The following NIPAL3 variants were observed in gnomAD, a reference collection of about 807,000 sequenced individuals.
The protein encoded by NIPAL3 is NIPA-like protein 3.
NIPAL3 carries 41 observed loss-of-function variants against 47.2 expected under a neutral mutation model. The ratio of observed to expected loss-of-function variants is 0.87; its 90% CI spans 0.68 to 1.13. The LOEUF (loss-of-function observed/expected upper bound fraction) is 1.13, where lower values mean the gene tolerates loss of function less well. Among genes scored for constraint, NIPAL3 ranks in the 50% most tolerant of loss-of-function variants. NIPAL3 has a pLI of 0.00. For missense variants in NIPAL3, 449 were observed against 530.1 expected (o/e 0.85, Z 1.50); for synonymous variants, 194 against 209.6 (o/e 0.93, Z 0.64).
At position 24,417,958 on chromosome 1, in the gene NIPAL3, C is replaced by A. The variant is rs1644135856; in HGVS notation, c.-257-1333C>A. ...AATGCATGAGAGAGAAAGGAATGGA[C>A]AAAATAAATAATTAAACAGGAGAGA... On this transcript the variant is annotated intron_variant, in intron 1 of 11. Transcript: ENST00000374399. 2.0e-5 allele frequency among the ~76,000 whole-genome samples: 3 copies of A among 152,078 alleles called. No individual in the cohort carries two copies. The South Asian group carries it at 6.2e-4, about 32-fold the overall frequency.
intron 2 of NIPAL3, 112 bp from the exon 3 acceptor site, chr1:24,440,060 T>G: frequency 1.7e-6 from 1 of 598,980 alleles, no homozygotes; most frequent in Non-Finnish European, 2.8e-6. Flanking sequence ...TTGTCACTGA[T>G]ATTGTTTTTC....
intron 6 of NIPAL3, among the ~76,000 whole-genome samples, chr1:24,450,544 A>G (rs1253397954): frequency 6.6e-6 from 1 of 152,182 alleles, no homozygotes; most frequent in African/African-American, 2.4e-5. Flanking sequence ...TGATAAAGCT[A>G]CTGGTACGTT....
In NIPAL3 at chr1:24,449,781, T is replaced by A. The variant is rs1338615272; in HGVS notation, c.540+155T>A. ...GTGCTTCTGGAGAGTACACAGCTCA[T>A]GGCGAAATGCTTGTTTCATTTATGT... On this transcript the variant is annotated intron_variant, in intron 6 of 11. Transcript: ENST00000374399. The surrounding 1 kb of genome is among the most constrained non-coding windows in gnomAD (Gnocchi z 4.5). 6.6e-6 allele frequency among the ~76,000 whole-genome samples: 1 copy of A among 152,226 alleles called. No homozygotes were observed. The highest frequency in any genetic ancestry group is 1.5e-5 in the Non-Finnish European group (1 of 68,044).
intron 4 of NIPAL3, among the ~76,000 whole-genome samples, chr1:24,444,726 A>G (rs1453628771): frequency 6.6e-6 from 1 of 152,156 alleles, no homozygotes; most frequent in Non-Finnish European, 1.5e-5. Flanking sequence ...GAGAGGAAAG[A>G]GCCGGGGGAA....
At position 24,451,386 on chromosome 1, in the gene NIPAL3, A is replaced by C. The variant is rs1017545743; in HGVS notation, c.540+1760A>C. The stretch of plus-strand genomic sequence containing the variant: ...ATGATATAATGTCCAGTGCTATTCC[A>C]GTGTTCATTTTAGAATCATGGAGAA... On this transcript the variant is annotated intron_variant, in intron 6 of 11. Coordinates refer to ENST00000374399, the MANE Select transcript of NIPAL3 (RefSeq NM_020448.5). The surrounding 1 kb of genome is among the most constrained non-coding windows in gnomAD (Gnocchi z 4.5). 2.0e-5 allele frequency among the ~76,000 whole-genome samples: 3 copies of C among 152,134 alleles called. No individual in the cohort carries two copies. Among genetic ancestry groups the C allele is most frequent in the Admixed American group, 6.6e-5 (1 of 15,266 alleles).
In NIPAL3 at chr1:24,451,906, G is replaced by A. The variant is rs546818285; in HGVS notation, c.541-1502G>A. On this transcript the variant is annotated intron_variant, in intron 6 of 11. Coordinates refer to ENST00000374399, the MANE Select transcript of NIPAL3 (RefSeq NM_020448.5). The surrounding 1 kb of genome is among the most constrained non-coding windows in gnomAD (Gnocchi z 4.5). ...ACTAAAAACAGCCCAGTACAAAATC[G>A]TGCATTGACTATAATGACAACTCGT... 1.3e-3 allele frequency among the ~76,000 whole-genome samples: 205 copies of A among 152,242 alleles called. 2 individuals are homozygous for A. The highest frequency in any genetic ancestry group is 1.0e-3 in the Admixed American group (16 of 15,298).
At position 24,451,803 on chromosome 1, in the gene NIPAL3, C is replaced by T. The variant is rs1035726807; in HGVS notation, c.541-1605C>T. Reference sequence around the variant, plus strand: ...TTGGGAATGTTGATGATTGACAGCACATCCACTTGATGAAGTATTCTGCAG... The same window carrying T: ...TTGGGAATGTTGATGATTGACAGCATATCCACTTGATGAAGTATTCTGCAG... On this transcript the variant is annotated intron_variant, in intron 6 of 11. Coordinates refer to ENST00000374399, the MANE Select transcript of NIPAL3 (RefSeq NM_020448.5). This position sits in a 1 kb window ranked among gnomAD's most constrained non-coding sequence, Gnocchi z 4.5. 2.0e-5 allele frequency among the ~76,000 whole-genome samples: 3 copies of T among 152,128 alleles called. No individual in the cohort carries two copies. The highest frequency in any genetic ancestry group is 7.2e-5 in the African/African-American group (3 of 41,434).
In NIPAL3 at chr1:24,472,362, T is replaced by C. The variant is rs1199138352; in HGVS notation, c.*3177T>C. 1 of 152,254 alleles carries C rather than the reference T, an allele frequency of 6.6e-6. No individual in the cohort carries two copies. The highest frequency in any genetic ancestry group is 1.5e-5 in the Non-Finnish European group (1 of 68,064). 9.4% of individuals were successfully genotyped at this position (152,254 alleles called of 1,614,324 possible). A position where few individuals can be genotyped will look rare whatever the true frequency, so the allele number is the denominator to read the frequency against. ...TGTCCAGTGGTATAAATGGACTGTC[T>C]GCTGATGGCCATACGCAGCACTGGC... On this transcript the variant is annotated 3_prime_UTR_variant, in exon 12 of 12. Coordinates refer to ENST00000374399, the MANE Select transcript of NIPAL3 (RefSeq NM_020448.5).
Position 24,419,631 on chromosome 1 carries a change from C to A in NIPAL3, c.84C>A (p.Phe28Leu), listed in dbSNP as rs780306794. The A allele has an allele frequency of 1.2e-6, 2 of 1,613,880 alleles. No individual in the cohort carries two copies. The highest frequency in any genetic ancestry group is 3.3e-5 in the Admixed American group (2 of 60,010). Residue 28 changes from phenylalanine (F) to leucine (L), a missense_variant, in exon 2 of 12, where the codon TTC (phenylalanine) becomes TTA (leucine). Coordinates refer to ENST00000374399, the MANE Select transcript of NIPAL3 (RefSeq NM_020448.5). ...CCAGCGCCGTAAGCGAGGCCTCCTT[C>A]TCCTACAAGGCAAGGGCTTTTTTGG... ...SSSSAVSEAS[F>L]SYKENLIGAL...
chr1:24,454,931 A>G lies in NIPAL3; in HGVS notation c.638-1207A>G, dbSNP rs1646124319. ...GACTTTGTTTTCAAAGTGGATGGGA[A>G]GGATCACGGCCCTGAAACATCCTCT... On this transcript the variant is annotated intron_variant, in intron 7 of 11. Coordinates refer to ENST00000374399, the MANE Select transcript of NIPAL3 (RefSeq NM_020448.5). The surrounding 1 kb of genome is among the most constrained non-coding windows in gnomAD (Gnocchi z 4.1). The G allele has an allele frequency of 6.6e-6, 1 of 152,228 alleles. No individual in the cohort carries two copies. Among genetic ancestry groups the G allele is most frequent in the Non-Finnish European group, 1.5e-5 (1 of 68,060 alleles). 9.4% of individuals were successfully genotyped at this position (152,228 alleles called of 1,614,324 possible). A position where few individuals can be genotyped will look rare whatever the true frequency, so the allele number is the denominator to read the frequency against.
chr1:24,417,361 G>C (rs1290466594), intron 1 of NIPAL3, among the ~76,000 whole-genome samples: 2 of 152,100 alleles, frequency 1.3e-5, no homozygotes, highest in African/African-American at 4.8e-5. Flanking sequence ...GCTTCCCGGG[G>C]CCTCTCAGAG....
At chr1:24,450,768 C>T (rs1208522396) in intron 6 of NIPAL3, among the ~76,000 whole-genome samples, 2 of 152,158 alleles carry the variant, frequency 1.3e-5, no homozygotes, top group Non-Finnish European at 2.9e-5. Flanking sequence ...CGTGGCCTGC[C>T]GACAAAGGTG....
intron 11 of NIPAL3, among the ~76,000 whole-genome samples, chr1:24,468,007 T>C (rs535729307): frequency 2.0e-5 from 3 of 152,158 alleles, no homozygotes; most frequent in East Asian, 3.9e-4. Flanking sequence ...GCAGGAAAAG[T>C]TGGCCTCAAA....
chr1:24,458,884 G>T lies in NIPAL3; in HGVS notation c.774-4G>T. 6.2e-7 allele frequency: 1 copy of T among 1,613,758 alleles called. No individual in the cohort carries two copies. The highest frequency in any genetic ancestry group is 8.5e-7 in the Non-Finnish European group (1 of 1,179,696). The stretch of plus-strand genomic sequence containing the variant: ...CCACTGACTGGAGTGCTTTTGTGTT[G>T]AAGGTTTTTGAGTCAAGCCTCACAG... On this transcript the variant is annotated splice_region_variant and splice_polypyrimidine_tract_variant and intron_variant, in intron 8 of 11. Coordinates refer to ENST00000374399, the MANE Select transcript of NIPAL3 (RefSeq NM_020448.5).
At chr1:24,427,599 G>T (rs1447701692) in intron 2 of NIPAL3, among the ~76,000 whole-genome samples, 1 of 151,854 alleles carries the variant, frequency 6.6e-6, no homozygotes, top group Non-Finnish European at 1.5e-5. Context: ...ACCTTTGAAG[G>T]ACACTTCACA....
Position 24,469,346 on chromosome 1 carries a change from G to A in NIPAL3, c.*161G>A. ...TCTCTGGGAAAGGATGCGTTATCTT[G>A]GTCTTGGAAATTTCAAATGATGAGG... On this transcript the variant is annotated 3_prime_UTR_variant, in exon 12 of 12. Transcript: ENST00000374399. The A allele has an allele frequency of 1.6e-6, 1 of 621,988 alleles. No homozygotes were observed. The highest frequency in any genetic ancestry group is 4.4e-4 in the Middle Eastern group (1 of 2,298). 38.5% of individuals were successfully genotyped at this position (621,988 alleles called of 1,614,324 possible). A position where few individuals can be genotyped will look rare whatever the true frequency, so the allele number is the denominator to read the frequency against.
upstream of NIPAL3, chr1:24,415,723 C>T: frequency 2.0e-6 from 1 of 507,664 alleles, no homozygotes; most frequent in Non-Finnish European, 2.5e-6. Context: ...AAATGCCTGC[C>T]AACTTCTGAC....
chr1:24,456,035 C>T, intron 7 of NIPAL3, 103 bp from the exon 8 acceptor site: 1 of 1,382,228 alleles, frequency 7.2e-7, no homozygotes, highest in Non-Finnish European at 1.0e-6. Flanking sequence ...CTGTTCCCTC[C>T]CCTCTGTCTC....
intron 10 of NIPAL3, 28 bp from the exon 11 acceptor site, chr1:24,463,998 C>G (rs1420940292): frequency 6.3e-7 from 1 of 1,589,562 alleles, no homozygotes; most frequent in East Asian, 2.3e-5. Context: ...GGCCTTATTT[C>G]TCTTCCTATC....
Sources: allele counts gnomAD v4.1 joint callset (sites outside exome capture counted in the v4.1 genomes callset), GRCh38; gene constraint gnomAD v4.1.1; non-coding constraint Gnocchi (gnomAD v3.1); transcripts MANE v1.5; gene names NCBI Gene and HGNC (gene_info 2026-07-23, HGNC 2026-07-21).